Variants in SNX25 observed in about 807,000 individuals in gnomAD.
The protein encoded by SNX25 is sorting nexin-25.
Under a neutral mutation model 113.7 loss-of-function variants are expected in SNX25, and 62 were observed. That is an observed-to-expected ratio of 0.55 (90% CI 0.44 to 0.67). The LOEUF is 0.67. Among genes scored for constraint, SNX25 ranks in the 30% least tolerant of loss-of-function variants. The probability of loss-of-function intolerance (pLI) is 0.00; values close to 1 mark genes in which losing one functional copy is unlikely to be tolerated. For missense variants in SNX25, 1,014 were observed against 1,161.0 expected (o/e 0.87, Z 1.84); for synonymous variants, 421 against 436.2 (o/e 0.97, Z 0.43).
intron 1 of SNX25, among the ~76,000 whole-genome samples, chr4:185,226,665 G>T (rs570911818): frequency 6.6e-6 from 1 of 152,214 alleles, no homozygotes; most frequent in East Asian, 1.9e-4. Flanking sequence ...TGCCCGGGCT[G>T]GTCTTGAACT....
At chr4:185,313,560 G>C (rs1483156459) in intron 7 of SNX25, among the ~76,000 whole-genome samples, 1 of 152,132 alleles carries the variant, frequency 6.6e-6, no homozygotes, top group Non-Finnish European at 1.5e-5. Context: ...CATCAAAGAA[G>C]AAATTATAAG....
In SNX25 at chr4:185,287,993, T is replaced by G; in HGVS notation, c.1092-19T>G. 2 of 1,596,128 alleles carry G rather than the reference T, an allele frequency of 1.3e-6. No homozygotes were observed. The highest frequency in any genetic ancestry group is 2.2e-5 in the South Asian group (2 of 89,412). On this transcript the variant is annotated intron_variant, in intron 5 of 18. Transcript: ENST00000652585. Reference sequence around the variant, plus strand: ...TTTCTTCCTCTTAAATCTTTTTCTTTTCTCTTTTTAAAAATCAGGTATCAA... The same window carrying G: ...TTTCTTCCTCTTAAATCTTTTTCTTGTCTCTTTTTAAAAATCAGGTATCAA...
chr4:185,287,530 C>T (rs542467851), intron 5 of SNX25, among the ~76,000 whole-genome samples: 14 of 152,310 alleles, frequency 9.2e-5, no homozygotes, highest in South Asian at 2.1e-4. Context: ...TACTTGGCAC[C>T]GCCCGGTGTG....
At chr4:185,302,156 G>A (rs907061872) in intron 6 of SNX25, among the ~76,000 whole-genome samples, 3 of 147,738 alleles carry the variant, frequency 2.0e-5, no homozygotes, top group Middle Eastern at 3.3e-3. Flanking sequence ...GGCTGGTCTC[G>A]AACTCCGGAC....
chr4:185,221,616 G>A (rs1739871740), intron 1 of SNX25, among the ~76,000 whole-genome samples: 1 of 152,044 alleles, frequency 6.6e-6, no homozygotes, highest in South Asian at 2.1e-4. Flanking sequence ...TTTTGAAAAT[G>A]CAAGCCTAAT....
chr4:185,321,692 A>G (rs2095121347), intron 8 of SNX25, among the ~76,000 whole-genome samples: 1 of 152,234 alleles, frequency 6.6e-6, no homozygotes, highest in African/African-American at 2.4e-5. Flanking sequence ...AATTAAGTGT[A>G]CACAGTCTTT....
intron 12 of SNX25, among the ~76,000 whole-genome samples, 170 bp from the exon 13 acceptor site, chr4:185,346,367 A>T (rs1031189146): frequency 6.6e-6 from 1 of 152,186 alleles, no homozygotes; most frequent in African/African-American, 2.4e-5. Flanking sequence ...TTTCCATCAA[A>T]GTTTCCGTTC....
At chr4:185,213,050 A>G (rs2310159) in intron 1 of SNX25, among the ~76,000 whole-genome samples, 83,775 of 152,012 alleles carry the variant, frequency 0.55, 23,305 homozygotes, top group East Asian at 0.76. Context: ...TGAAAAGGGA[A>G]AGGGTGTTTT....
chr4:185,290,061 C>T (rs964128152), intron 6 of SNX25, among the ~76,000 whole-genome samples: 1 of 152,226 alleles, frequency 6.6e-6, no homozygotes, highest in East Asian at 1.9e-4. Context: ...TCTTTTGTAC[C>T]TGTCTTTCCT....
At chr4:185,270,157 G>A (rs1471000113) in intron 5 of SNX25, among the ~76,000 whole-genome samples, 2 of 150,876 alleles carry the variant, frequency 1.3e-5, no homozygotes, top group Non-Finnish European at 2.9e-5. Flanking sequence ...TTCAAGACCA[G>A]CCCGGGGAAC....
intron 1 of SNX25, among the ~76,000 whole-genome samples, chr4:185,246,421 C>T (rs2126482718): frequency 6.6e-6 from 1 of 152,282 alleles, no homozygotes; most frequent in Middle Eastern, 3.4e-3. Context: ...TAGGTATGTC[C>T]TTTCTGCTGC....
chr4:185,240,916 G>A (rs1294672016), intron 1 of SNX25, among the ~76,000 whole-genome samples: 1 of 150,594 alleles, frequency 6.6e-6, no homozygotes, highest in South Asian at 2.1e-4. Context: ...CATCTCAGAC[G>A]ATGGGCGGCC....
At chr4:185,227,119 CT>C (rs375352815) in intron 1 of SNX25, among the ~76,000 whole-genome samples, 603 of 152,336 alleles carry the variant, frequency 4.0e-3, no homozygotes, top group African/African-American at 0.014. Flanking sequence ...AAGAAAGTCC[CT>C]TTTTGGAGCA....
chr4:185,269,847 C>A (rs1461633012), intron 5 of SNX25, among the ~76,000 whole-genome samples: 2 of 152,138 alleles, frequency 1.3e-5, no homozygotes, highest in Non-Finnish European at 2.9e-5. Flanking sequence ...GTAGCTGGGA[C>A]TACAGGCGAG....
chr4:185,235,861 A>T (rs11132295), intron 1 of SNX25, among the ~76,000 whole-genome samples: 57,427 of 152,070 alleles, frequency 0.38, 13,150 homozygotes, highest in East Asian at 0.59. Context: ...TGAGCAAGGG[A>T]TGAAAGGAAT....
chr4:185,332,879 A>T, intron 10 of SNX25, 120 bp downstream of exon 10: 1 of 1,057,044 alleles, frequency 9.5e-7, no homozygotes. Flanking sequence ...AACAAGTTCC[A>T]TTGTTATTTT....
intron 3 of SNX25, 126 bp from the exon 4 acceptor site, chr4:185,264,312 G>T (rs1747742319): frequency 2.2e-6 from 2 of 900,094 alleles, no homozygotes; most frequent in Non-Finnish European, 3.3e-6. Context: ...GAGGAAATTT[G>T]ATTATTTAGG....
intron 2 of SNX25, among the ~76,000 whole-genome samples, chr4:185,253,933 G>T (rs1264971979): frequency 6.6e-6 from 1 of 152,210 alleles, no homozygotes; most frequent in African/African-American, 2.4e-5. Flanking sequence ...CATTGTCAAA[G>T]TATAACAGAA....
Position 185,309,177 on chromosome 4 carries a change from G to A in SNX25, c.1163-1458G>A, listed in dbSNP as rs78990374. On this transcript the variant is annotated intron_variant, in intron 6 of 18. Coordinates refer to ENST00000652585, the MANE Select transcript of SNX25 (RefSeq NM_001378034.2). ...CCAGAGCTGTGGTTCGGGGAGCCTC[G>A]GTTCCTCTCCATATAGATCTCTCCA... Among the ~76,000 whole-genome samples, 87 of 152,174 alleles carry A rather than the reference G, an allele frequency of 5.7e-4. 2 individuals carry two copies. The East Asian group carries it at 0.014, about 25-fold the overall frequency.
Sources: gnomAD v4.1 joint callset for allele counts (sites outside exome capture counted in the v4.1 genomes callset) on GRCh38, gnomAD v4.1.1 for gene constraint, MANE v1.5 for transcripts, NCBI Gene and HGNC (gene_info 2026-07-23, HGNC 2026-07-21) for gene names.